TIAM2: variants seen among roughly 807,000 people sequenced by gnomAD.
The protein encoded by TIAM2 is TIAM Rac1 associated GEF 2.
Under a neutral mutation model 152.9 loss-of-function variants are expected in TIAM2, and 80 were observed. That is an observed-to-expected ratio of 0.52 (90% CI 0.44 to 0.63). The LOEUF (loss-of-function observed/expected upper bound fraction) is 0.63, where lower values mean the gene tolerates loss of function less well. Ranked by LOEUF, TIAM2 falls within the 30% of genes least tolerant of loss-of-function variation. TIAM2 has a pLI of 0.00. For synonymous variants in TIAM2, 804 were observed against 838.0 expected, an observed-to-expected ratio of 0.96 and a Z score of 0.70; for missense variants, 1,965 against 2,120.1, an observed-to-expected ratio of 0.93 and a Z score of 1.44.
intron 1 of TIAM2, among the ~76,000 whole-genome samples, chr6:155,073,664 G>C (rs1777892978): frequency 6.6e-6 from 1 of 151,438 alleles, no homozygotes; most frequent in African/African-American, 2.4e-5. Flanking sequence ...CAGAGCAGCT[G>C]AGAAGAAAAA....
At chr6:155,061,940 A>G (rs1194455501) in intron 1 of TIAM2, among the ~76,000 whole-genome samples, 5 of 152,282 alleles carry the variant, frequency 3.3e-5, no homozygotes, top group Non-Finnish European at 5.9e-5. Flanking sequence ...GAACAGTTCT[A>G]TCCTTCAAAA....
intron 4 of TIAM2, 56 bp downstream of exon 4, chr6:155,130,473 G>C: frequency 1.1e-5 from 16 of 1,523,096 alleles, no homozygotes; most frequent in Non-Finnish European, 1.4e-5. Context: ...ACCTGGAGAA[G>C]GGGAAGGTTA....
intron 21 of TIAM2, 49 bp from the exon 22 acceptor site, chr6:155,250,864 C>A: frequency 6.4e-7 from 1 of 1,568,762 alleles, no homozygotes; most frequent in Non-Finnish European, 8.8e-7. Flanking sequence ...AAGAGATCAT[C>A]TAGCCTGGGA....
intron 24 of TIAM2, 31 bp downstream of exon 24, chr6:155,253,084 A>G (rs1028627761): frequency 6.4e-7 from 1 of 1,570,984 alleles, no homozygotes; most frequent in Non-Finnish European, 8.8e-7. Flanking sequence ...GATGCCAGAA[A>G]AAGCATTTTA....
rs1032809419 is a variant in TIAM2 at position 155,255,118 on chromosome 6, C to A, written c.4468+545C>A. Reference sequence around the variant, plus strand: ...ACTCAACACTTAATTATAAAACAGGCCTTGTGTTCTGCCCAACCATAGGCT... The same window carrying A: ...ACTCAACACTTAATTATAAAACAGGACTTGTGTTCTGCCCAACCATAGGCT... On this transcript the variant is annotated intron_variant, in intron 26 of 26. Transcript: ENST00000682666. 2.9e-4 allele frequency: 44 copies of A among 153,368 alleles called. 1 individual carries two copies. The highest frequency in any genetic ancestry group is 1.5e-5 in the Non-Finnish European group (1 of 68,780). The allele number at this position is 153,368 out of a possible 1,614,324, so 9.5% of individuals were successfully genotyped here.
chr6:155,105,398 G>T (rs57215291), intron 2 of TIAM2, among the ~76,000 whole-genome samples: 95 of 152,232 alleles, frequency 6.2e-4, no homozygotes, highest in African/African-American at 2.3e-3. Flanking sequence ...TGATCTGCCC[G>T]CATTGGCCTC....
In TIAM2 at chr6:155,257,584, AG is replaced by A; in HGVS notation, c.*464del. 3.2e-6 allele frequency: 1 copy of A among 308,762 alleles called. No individual in the cohort carries two copies. Among genetic ancestry groups the A allele is most frequent in the Non-Finnish European group, 5.1e-6 (1 of 195,536 alleles). The allele number at this position is 308,762 out of a possible 1,614,324, so 19.1% of individuals were successfully genotyped here. On this transcript the variant is annotated 3_prime_UTR_variant, in exon 27 of 27. Coordinates refer to ENST00000682666, the MANE Select transcript of TIAM2 (RefSeq NM_012454.4). Reference sequence around the variant, plus strand: ...TGCAGATACTTCATTTTTGTAAGATAGATTGTAATAGATGCTGTTTATACTA... The same window carrying A: ...TGCAGATACTTCATTTTTGTAAGATAATTGTAATAGATGCTGTTTATACTA...
At chr6:155,045,840 C>CTTTTTTTTTTTTTTTT (rs11354850) in intron 1 of TIAM2, among the ~76,000 whole-genome samples, 34 of 60,480 alleles carry the variant, frequency 5.6e-4, no homozygotes, top group African/African-American at 7.5e-4. Context: ...ATAGTGCCCT[C>CTTTTTTTTTTTTTTTT]TTTTTTTTTT....
chr6:155,248,176 A>C lies in TIAM2; in HGVS notation c.3829A>C (p.Thr1277Pro). 1 of 1,612,994 alleles carries C rather than the reference A, an allele frequency of 6.2e-7. No homozygotes were observed. Among genetic ancestry groups the C allele is most frequent in the South Asian group, 1.1e-5 (1 of 91,054 alleles). ...DQESEEHYHLTEALKAMEKVA... is the reference protein window; with the variant it reads ...DQESEEHYHLPEALKAMEKVA... ...GGAGAGCGAGGAGCACTACCACCTG[A>C]CGGGTGAGGCGGCGGCGGCACCTCC... The change falls in exon 20 of 27, where the codon ACG becomes CCG. Residue 1277 changes from threonine (T) to proline (P), a missense_variant. Physicochemically the swap from Thr to Pro is conservative, Grantham distance 38. Transcript: ENST00000682666.
At chr6:155,062,475 C>A (rs62434513) in intron 1 of TIAM2, among the ~76,000 whole-genome samples, 1 of 151,298 alleles carries the variant, frequency 6.6e-6, no homozygotes, top group Non-Finnish European at 1.5e-5. Flanking sequence ...ATATCCTCAC[C>A]AGCTTTTGGA....
intron 26 of TIAM2, 38 bp downstream of exon 26, chr6:155,254,611 T>C (rs757697419): frequency 6.3e-7 from 1 of 1,599,266 alleles, no homozygotes; most frequent in Non-Finnish European, 8.6e-7. Context: ...TTCAACAAAA[T>C]ATTATGAGCT....
rs111725693 is a variant in TIAM2 at position 155,203,796 on chromosome 6, G to A, written c.3065-7408G>A. Among the ~76,000 whole-genome samples the A allele has an allele frequency of 4.0e-4, 61 of 152,264 alleles. 1 individual carries two copies. The highest frequency in any genetic ancestry group is 1.3e-3 in the African/African-American group (54 of 41,556). ...GCTATATTTTTAATTGCTTTAGTGAGTATATTTTATCTTTCTTTGGGAAGT... is the reference window on the plus strand; with the variant it reads ...GCTATATTTTTAATTGCTTTAGTGAATATATTTTATCTTTCTTTGGGAAGT... On this transcript the variant is annotated intron_variant, in intron 14 of 26. Transcript: ENST00000682666.
chr6:155,189,853 A>G (rs1224489612), intron 14 of TIAM2, among the ~76,000 whole-genome samples: 1 of 152,132 alleles, frequency 6.6e-6, no homozygotes, highest in African/African-American at 2.4e-5. Flanking sequence ...ATCAGAGGAC[A>G]GTTTCTAGAA....
rs138205488 is a variant in TIAM2 at position 155,253,021 on chromosome 6, C to G, written c.4193C>G (p.Ser1398Cys). Residue 1398 changes from serine (S) to cysteine (C), a missense_variant, in exon 24 of 27, where the codon TCC becomes TGC. This residue lies in a region of TIAM2 where 935 missense variants were observed against 980.0 expected (regional missense o/e 0.95). Coordinates refer to ENST00000682666, the MANE Select transcript of TIAM2 (RefSeq NM_012454.4). ...AAATTCCGCTGGTTGATCCCCATCTCCGCGCTTCAAGTCAGACTGGGGAAT... is the reference window on the plus strand; with the variant it reads ...AAATTCCGCTGGTTGATCCCCATCTGCGCGCTTCAAGTCAGACTGGGGAAT... ...PFKFRWLIPI[S>C]ALQVRLGNPA... 1 of 1,614,182 alleles carries G rather than the reference C, an allele frequency of 6.2e-7. No homozygotes were observed. Among genetic ancestry groups the G allele is most frequent in the Non-Finnish European group, 8.5e-7 (1 of 1,180,038 alleles).
chr6:155,019,346 GA>G (rs930044836), intron 1 of TIAM2, among the ~76,000 whole-genome samples: 47 of 151,158 alleles, frequency 3.1e-4, no homozygotes, highest in Non-Finnish European at 1.8e-4. Flanking sequence ...AAAAAGAAAA[GA>G]AAAAAAATAA....
chr6:155,062,472 C>A (rs1777605206), intron 1 of TIAM2, among the ~76,000 whole-genome samples: 1 of 151,670 alleles, frequency 6.6e-6, no homozygotes, highest in African/African-American at 2.4e-5. Context: ...TCCATATCCT[C>A]ACCAGCTTTT....
intron 1 of TIAM2, among the ~76,000 whole-genome samples, chr6:155,073,594 G>C (rs1777891102): frequency 6.6e-6 from 1 of 151,924 alleles, no homozygotes; most frequent in South Asian, 2.1e-4. Context: ...TCTCATAGTG[G>C]CTTTGGGTGC....
In TIAM2 at chr6:155,253,719, G is replaced by A. The variant is rs1288882291; in HGVS notation, c.4226-254G>A. Reference sequence around the variant, plus strand: ...TCCACTGAATCTCCTCTTCCCCAGAGAGGGGCTCCAGAGAGAGGGTGAAGG... The same window carrying A: ...TCCACTGAATCTCCTCTTCCCCAGAAAGGGGCTCCAGAGAGAGGGTGAAGG... On this transcript the variant is annotated intron_variant, in intron 24 of 26. Coordinates refer to ENST00000682666, the MANE Select transcript of TIAM2 (RefSeq NM_012454.4). The A allele has an allele frequency of 1.0e-5, 4 of 384,562 alleles. No individual in the cohort carries two copies. In the East Asian group the frequency reaches 1.3e-4, roughly 13 times the overall value. 23.8% of individuals were successfully genotyped at this position (384,562 alleles called of 1,614,324 possible).
At chr6:155,050,796 C>T (rs1777301921) in intron 1 of TIAM2, among the ~76,000 whole-genome samples, 1 of 152,150 alleles carries the variant, frequency 6.6e-6, no homozygotes, top group South Asian at 2.1e-4. Context: ...CAACTTTGTT[C>T]TTATTTGAAT....
Sources: gnomAD v4.1 joint callset for allele counts (sites outside exome capture counted in the v4.1 genomes callset) on GRCh38, gnomAD v4.1.1 for gene constraint, gnomAD v4.1.1 regional missense constraint, MANE v1.5 for transcripts, NCBI Gene and HGNC (gene_info 2026-07-23, HGNC 2026-07-21) for gene names.